The following ITGA11 variants were observed in gnomAD, a reference collection of about 807,000 sequenced individuals.
ITGA11 encodes the protein integrin subunit alpha 11, also known as integrin alpha-11.
Under a neutral mutation model 141.9 loss-of-function variants are expected in ITGA11, and 97 were observed. The observed-to-expected ratio is 0.68, with a 90% CI of 0.58 to 0.81. ITGA11 has a LOEUF of 0.81. Ranked by LOEUF, ITGA11 falls within the 30% of genes least tolerant of loss-of-function variation. The probability of loss-of-function intolerance (pLI) is 0.00; values close to 1 mark genes in which losing one functional copy is unlikely to be tolerated. For synonymous variants in ITGA11, 658 were observed against 624.6 expected (o/e 1.05, Z -0.80); for missense variants, 1,387 against 1,559.2 (o/e 0.89, Z 1.86).
intron 1 of ITGA11, among the ~76,000 whole-genome samples, chr15:68,406,492 C>T (rs1280844571): frequency 6.6e-6 from 1 of 152,174 alleles, no homozygotes; most frequent in Non-Finnish European, 1.5e-5. Context: ...TCTCTCCCTC[C>T]AGTCTTAGAA....
chr15:68,297,436 T>A lies in ITGA11; in HGVS notation c.*5623A>T, dbSNP rs1440635591. ...GTACAGTTCTGCACTTCTGAGCTTT[T>A]TTTTTTTTTTTTTTTTTATCCAAAA... On this transcript the variant is annotated 3_prime_UTR_variant, in exon 30 of 30. Coordinates refer to ENST00000315757, the MANE Select transcript of ITGA11 (RefSeq NM_001004439.2). The A allele has an allele frequency of 6.8e-6, 1 of 147,118 alleles. No homozygotes were observed. Among genetic ancestry groups the A allele is most frequent in the African/African-American group, 2.6e-5 (1 of 38,070 alleles). The allele number at this position is 147,118 out of a possible 1,614,324, so 9.1% of individuals were successfully genotyped here. A position where few individuals can be genotyped will look rare whatever the true frequency, so the allele number is the denominator to read the frequency against.
Position 68,357,183 on chromosome 15 carries a change from C to T in ITGA11, c.717G>A (p.Glu239=). The part of the protein sequence containing the change: ...ASHIEQRGGT[E]TRTAFGIEFA... ...ATTCAATGCCAAATGCCGTCCGGGT[C>T]TCTGTTCCTCCTCTCTGCTCAATGT... Residue 239 remains glutamate (E), a synonymous_variant, in exon 7 of 30, where the codon GAG becomes GAA. Coordinates refer to ENST00000315757, the MANE Select transcript of ITGA11 (RefSeq NM_001004439.2). 6.2e-7 allele frequency: 1 copy of T among 1,613,746 alleles called. No individual in the cohort carries two copies. Among genetic ancestry groups the T allele is most frequent in the Non-Finnish European group, 8.5e-7 (1 of 1,179,834 alleles).
chr15:68,357,035 T>C, intron 7 of ITGA11, 116 bp downstream of exon 7: 1 of 971,010 alleles, frequency 1.0e-6, no homozygotes, highest in Non-Finnish European at 1.5e-6. Context: ...TTTTGAGGAA[T>C]TAAGAAATTA....
In ITGA11 at chr15:68,432,109, G is replaced by C. The variant is rs1055672683; in HGVS notation, c.-43C>G. On this transcript the variant is annotated 5_prime_UTR_variant, in exon 1 of 30. Coordinates refer to ENST00000315757, the MANE Select transcript of ITGA11 (RefSeq NM_001004439.2). Reference sequence around the variant, plus strand: ...CTGGGTCCGGTGTGCAGCGGCGGCGGGGGGCGGCAAGCCAGAGCGGCAGCC... The same window carrying C: ...CTGGGTCCGGTGTGCAGCGGCGGCGCGGGGCGGCAAGCCAGAGCGGCAGCC... 46 of 1,346,006 alleles carry C rather than the reference G, an allele frequency of 3.4e-5. No homozygotes were observed. Among genetic ancestry groups the C allele is most frequent in the African/African-American group, 4.6e-5 (3 of 64,794 alleles). The allele number at this position is 1,346,006 out of a possible 1,614,324, so 83.4% of individuals were successfully genotyped here. A position where few individuals can be genotyped will look rare whatever the true frequency, so the allele number is the denominator to read the frequency against.
rs535358422 is a variant in ITGA11, at chr15:68,411,744, T to C, written c.53-8715A>G. 3.5e-3 allele frequency among the ~76,000 whole-genome samples: 538 copies of C among 152,208 alleles called. 5 individuals are homozygous for C. Among genetic ancestry groups the C allele is most frequent in the African/African-American group, 0.011 (447 of 41,536 alleles). On this transcript the variant is annotated intron_variant, in intron 1 of 29. Transcript: ENST00000315757. ...AATTCCTGCCTCTAAAAGAGGAGAGTATATTTCCCCCAACCTTGACTTTGG... is the reference window on the plus strand; with the variant it reads ...AATTCCTGCCTCTAAAAGAGGAGAGCATATTTCCCCCAACCTTGACTTTGG...
intron 4 of ITGA11, among the ~76,000 whole-genome samples, chr15:68,362,566 TGATA>T (rs993797047): frequency 9.4e-4 from 143 of 151,954 alleles, no homozygotes; most frequent in African/African-American, 2.4e-3. Context: ...GATAGACAGA[TGATA>T]GATGGATGGA....
At chr15:68,419,363 A>C (rs939039479) in intron 1 of ITGA11, among the ~76,000 whole-genome samples, 4 of 152,168 alleles carry the variant, frequency 2.6e-5, no homozygotes, top group Non-Finnish European at 5.9e-5. Flanking sequence ...TACCATGCAA[A>C]GTGGTGAGCC....
In ITGA11 at chr15:68,378,644, A is replaced by AAAAT. The variant is rs148762970; in HGVS notation, c.165-9364_165-9361dup. On this transcript the variant is annotated intron_variant, in intron 2 of 29. Coordinates refer to ENST00000315757, the MANE Select transcript of ITGA11 (RefSeq NM_001004439.2). The stretch of plus-strand genomic sequence containing the variant: ...GGTGACAGAGAGAGATCCTGTCTCC[A>AAAAT]AAATAAATAAATAAATAAATTTCTA... Among the ~76,000 whole-genome samples, 572 of 152,302 alleles carry AAAAT rather than the reference A, an allele frequency of 3.8e-3. 23 individuals are homozygous for AAAAT. In the East Asian group the frequency reaches 0.094, roughly 25 times the overall value.
intron 2 of ITGA11, among the ~76,000 whole-genome samples, chr15:68,390,582 A>G (rs1896094187): frequency 6.6e-6 from 1 of 152,150 alleles, no homozygotes; most frequent in Non-Finnish European, 1.5e-5. Flanking sequence ...GATGCAGACC[A>G]AGGCACGCAA....
rs1895295483 is a variant in ITGA11 at position 68,362,928 on chromosome 15, TGATG to T, written c.358-1228_358-1225del. 2.7e-4 allele frequency among the ~76,000 whole-genome samples: 3 copies of T among 11,060 alleles called. No homozygotes were observed. The South Asian group carries it at 0.03, about 111-fold the overall frequency. The allele number at this position is 11,060 out of a possible 152,430, so 7.3% of individuals were successfully genotyped here. On this transcript the variant is annotated intron_variant, in intron 4 of 29. Transcript: ENST00000315757. ...GTTGATGGATGAATGGGTGGATGGATGATGGATGAATGGATGATGGATGAATGGA... is the reference window on the plus strand; with the variant it reads ...GTTGATGGATGAATGGGTGGATGGATGATGAATGGATGATGGATGAATGGA...
At chr15:68,318,225 C>T (rs542502373) in intron 20 of ITGA11, among the ~76,000 whole-genome samples, 4 of 152,236 alleles carry the variant, frequency 2.6e-5, no homozygotes, top group African/African-American at 7.2e-5. Context: ...TGTGGGGACA[C>T]AGCACTTCAC....
At chr15:68,345,368 C>T (rs1017049212) in intron 10 of ITGA11, among the ~76,000 whole-genome samples, 11 of 152,054 alleles carry the variant, frequency 7.2e-5, no homozygotes, top group Admixed American at 4.6e-4. Context: ...ATGGCTCAGA[C>T]GTTTTGCCTT....
Position 68,335,551 on chromosome 15 carries a change from C to A in ITGA11, c.1425+146G>T. ...TGTAGGTGGATGCGCACTCCTGCCACTCCTGGCAGCATGAAGGTGGCTGGA... is the reference window on the plus strand; with the variant it reads ...TGTAGGTGGATGCGCACTCCTGCCAATCCTGGCAGCATGAAGGTGGCTGGA... On this transcript the variant is annotated intron_variant, in intron 12 of 29. Transcript: ENST00000315757. This position sits in a 1 kb window ranked among gnomAD's most constrained non-coding sequence, Gnocchi z 4.9. 1 of 917,492 alleles carries A rather than the reference C, an allele frequency of 1.1e-6. No homozygotes were observed. The allele number at this position is 917,492 out of a possible 1,614,324, so 56.8% of individuals were successfully genotyped here. A position where few individuals can be genotyped will look rare whatever the true frequency, so the allele number is the denominator to read the frequency against.
intron 2 of ITGA11, among the ~76,000 whole-genome samples, chr15:68,371,542 C>T (rs4517738): frequency 0.19 from 28,214 of 151,866 alleles, 2,877 homozygotes; most frequent in African/African-American, 0.22. Flanking sequence ...GTGAAACCCC[C>T]GTCTGTACTA....
rs373734608 is a variant in ITGA11 at position 68,348,887 on chromosome 15, G to A, written c.1074C>T (p.Asn358=). 1.9e-5 allele frequency: 30 copies of A among 1,606,658 alleles called. No homozygotes were observed. The Middle Eastern group carries it at 4.9e-4, about 26-fold the overall frequency. ...ACATCTCCAGCCCAAAGGAGGTCTC[G>A]TTCTTGTTGGTGCCTGCAACAGAGT... is the stretch of plus-strand genomic sequence containing the variant. ...RIFSLEGTNK[N]ETSFGLEMSQ... is the part of the protein sequence containing the mutation. The change falls in exon 10 of 30, where the codon AAC becomes AAT. Residue 358 remains asparagine, a synonymous_variant. Transcript: ENST00000315757.
At chr15:68,337,958 C>T (rs1451395673) in intron 11 of ITGA11, among the ~76,000 whole-genome samples, 2 of 152,148 alleles carry the variant, frequency 1.3e-5, no homozygotes, top group African/African-American at 4.8e-5. Context: ...GTGTAGGCTC[C>T]AGCTCCTACA....
Position 68,320,331 on chromosome 15 carries a change from A to G in ITGA11, c.2470T>C (p.Phe824Leu). ...TCTATGATGAAGACTGTGGTGTCGAAGGACAGCGTGTATGCGGAGCAGTCC... is the reference window on the plus strand; with the variant it reads ...TCTATGATGAAGACTGTGGTGTCGAGGGACAGCGTGTATGCGGAGCAGTCC... The part of the protein sequence containing the change: ...AQDCSAYTLS[F>L]DTTVFIIEST... Residue 824 changes from phenylalanine to leucine, a missense_variant, in exon 20 of 30, where the codon TTC becomes CTC. By Grantham distance (22) the Phe-to-Leu change is conservative. Coordinates refer to ENST00000315757, the MANE Select transcript of ITGA11 (RefSeq NM_001004439.2). 2 of 1,613,376 alleles carry G rather than the reference A, an allele frequency of 1.2e-6. No individual in the cohort carries two copies. Among genetic ancestry groups the G allele is most frequent in the Non-Finnish European group, 1.7e-6 (2 of 1,179,590 alleles).
chr15:68,303,087 A>G lies in ITGA11; in HGVS notation c.3539T>C (p.Leu1180Pro). 1.3e-6 allele frequency: 2 copies of G among 1,550,644 alleles called. No homozygotes were observed. The highest frequency in any genetic ancestry group is 1.2e-5 in the South Asian group (1 of 83,916). ...CTCCAGCACTTTGGGGGTGGGGTCC[A>G]GACCAGGCTCCCTCCTGCGCCTGGC... Reference protein sequence around the residue: ...RSARRRREPGLDPTPKVLE With the variant: ...RSARRRREPGPDPTPKVLE The change falls in exon 30 of 30, where the codon CTG (leucine) becomes CCG (proline). Residue 1180 changes from leucine to proline, a missense_variant. Leu to Pro is a moderately conservative substitution (Grantham distance 98). Coordinates refer to ENST00000315757, the MANE Select transcript of ITGA11 (RefSeq NM_001004439.2). The surrounding 1 kb of genome is among the most constrained non-coding windows in gnomAD (Gnocchi z 5.3).
At chr15:68,429,258 G>A (rs1030329220) in intron 1 of ITGA11, among the ~76,000 whole-genome samples, 14 of 152,202 alleles carry the variant, frequency 9.2e-5, no homozygotes, top group African/African-American at 3.4e-4. Context: ...AGCCCTAACC[G>A]GCAGGGGCTA....
Sources: allele counts gnomAD v4.1 joint callset (sites outside exome capture counted in the v4.1 genomes callset), GRCh38; gene constraint gnomAD v4.1.1; non-coding constraint Gnocchi (gnomAD v3.1); transcripts MANE v1.5; gene names NCBI Gene and HGNC (gene_info 2026-07-23, HGNC 2026-07-21).